The following HECW1 variants were observed in gnomAD, a reference collection of about 807,000 sequenced individuals.
HECW1 encodes HECT, C2 and WW domain containing E3 ubiquitin protein ligase 1.
A neutral mutation model predicts 182.3 loss-of-function variants in HECW1; 61 were observed. The observed-to-expected ratio is 0.33, with a 90% CI of 0.27 to 0.41. The LOEUF is 0.41. Ranked by LOEUF, HECW1 falls within the 10% of genes least tolerant of loss-of-function variation. The probability of loss-of-function intolerance (pLI) is 1.00; values close to 1 mark genes in which losing one functional copy is unlikely to be tolerated. For synonymous variants in HECW1, 859 were observed against 832.6 expected (o/e 1.03, Z -0.55); for missense variants, 1,739 against 2,108.9 (o/e 0.82, Z 3.44).
intron 2 of HECW1, among the ~76,000 whole-genome samples, chr7:43,209,322 A>G (rs1345839339): frequency 6.6e-6 from 1 of 152,078 alleles, no homozygotes; most frequent in Admixed American, 6.5e-5. Context: ...AGAGCTGATG[A>G]TGCCTCGCAG....
chr7:43,561,979 G>A lies in HECW1; in HGVS notation c.*53G>A. ...CTGGCCAGTGACATCACCCTTCCTGGGATGATCCCCTTTTCCCTTTCCCTT... is the reference window on the plus strand; with the variant it reads ...CTGGCCAGTGACATCACCCTTCCTGAGATGATCCCCTTTTCCCTTTCCCTT... On this transcript the variant is annotated 3_prime_UTR_variant, in exon 30 of 30. Transcript: ENST00000395891. 1 of 1,024,428 alleles carries A rather than the reference G, an allele frequency of 9.8e-7. No homozygotes were observed. The highest frequency in any genetic ancestry group is 2.4e-5 in the East Asian group (1 of 41,726). The allele number at this position is 1,024,428 out of a possible 1,614,324, so 63.5% of individuals were successfully genotyped here.
Position 43,353,702 on chromosome 7 carries a change from A to G in HECW1, c.461-7184A>G, listed in dbSNP as rs73326123. ...CCCCAACTCATGATTTATACACTGG[A>G]AAAAGTGAAATGGAGGTAGACAACC... On this transcript the variant is annotated intron_variant, in intron 5 of 29. Transcript: ENST00000395891. Among the ~76,000 whole-genome samples the G allele has an allele frequency of 4.9e-3, 744 of 152,322 alleles. 4 individuals are homozygous for G. The highest frequency in any genetic ancestry group is 0.017 in the African/African-American group (713 of 41,562).
At chr7:43,264,598 C>T (rs1247534970) in intron 3 of HECW1, among the ~76,000 whole-genome samples, 3 of 152,088 alleles carry the variant, frequency 2.0e-5, no homozygotes, top group Non-Finnish European at 2.9e-5. Context: ...GTAATCTCAG[C>T]ACTTTGGGAG....
At chr7:43,308,077 AATATATT>A (rs1265458663) in intron 3 of HECW1, among the ~76,000 whole-genome samples, 4 of 107,826 alleles carry the variant, frequency 3.7e-5, no homozygotes, top group Admixed American at 1.4e-4. Context: ...ATATAAATAT[AATATATT>A]ATATATTATA....
At chr7:43,208,880 C>T (rs552874539) in intron 2 of HECW1, among the ~76,000 whole-genome samples, 13 of 152,192 alleles carry the variant, frequency 8.5e-5, no homozygotes, top group Non-Finnish European at 1.6e-4. Context: ...AGAAGCCACA[C>T]ACTCTTGGAG....
Position 43,296,424 on chromosome 7 carries a change from A to G in HECW1, c.28-15339A>G, listed in dbSNP as rs185507946. ...CTTTTCTTGTTGCCCAGGAAGGTCT[A>G]TGGTGTGTCCTCCTAGTGGTGACAG... On this transcript the variant is annotated intron_variant, in intron 3 of 29. Transcript: ENST00000395891. 1.5e-4 allele frequency among the ~76,000 whole-genome samples: 23 copies of G among 152,198 alleles called. No individual in the cohort carries two copies. The East Asian group carries it at 4.4e-3, about 29-fold the overall frequency.
chr7:43,260,328 T>C (rs1237212710), intron 3 of HECW1, among the ~76,000 whole-genome samples: 1 of 151,718 alleles, frequency 6.6e-6, no homozygotes, highest in Admixed American at 6.6e-5. Context: ...GAAGGGAAGA[T>C]GTTCCTGGTA....
rs2082291238 is a variant in HECW1 at position 43,564,772 on chromosome 7, T to G, written c.*2846T>G. 5.5e-6 allele frequency: 1 copy of G among 180,472 alleles called. No homozygotes were observed. Among genetic ancestry groups the G allele is most frequent in the Non-Finnish European group, 1.2e-5 (1 of 84,442 alleles). The allele number at this position is 180,472 out of a possible 1,614,324, so 11.2% of individuals were successfully genotyped here. ...ATTATATATAATTTTTCATTCAATA[T>G]GTATATGAAATGAAATAGCTATAGA... On this transcript the variant is annotated 3_prime_UTR_variant, in exon 30 of 30. Coordinates refer to ENST00000395891, the MANE Select transcript of HECW1 (RefSeq NM_015052.5).
intron 5 of HECW1, among the ~76,000 whole-genome samples, chr7:43,322,567 C>T (rs1810264936): frequency 6.6e-6 from 1 of 152,206 alleles, no homozygotes; most frequent in African/African-American, 2.4e-5. Flanking sequence ...CTTCTCCATC[C>T]TCCCCAGCAG....
chr7:43,412,499 T>A (rs1324427318), intron 8 of HECW1, among the ~76,000 whole-genome samples: 3 of 151,322 alleles, frequency 2.0e-5, no homozygotes, highest in Non-Finnish European at 2.9e-5. Context: ...CATGTGCACC[T>A]TGTGCAGGTT....
At position 43,193,218 on chromosome 7, in the gene HECW1, T is replaced by C. The variant is rs1036552724; in HGVS notation, c.-31-50657T>C. ...TGAGGACTACTAGAATTTGCATTTG[T>C]AGCCATCTTGGTTTTGGCAGGTTTT... On this transcript the variant is annotated intron_variant, in intron 2 of 29. Transcript: ENST00000395891. 4.6e-5 allele frequency among the ~76,000 whole-genome samples: 7 copies of C among 152,234 alleles called. 1 individual carries two copies. Among genetic ancestry groups the C allele is most frequent in the African/African-American group, 1.7e-4 (7 of 41,462 alleles).
In HECW1 at chr7:43,313,431, G is replaced by T. The variant is rs544534138; in HGVS notation, c.352+1344G>T. Among the ~76,000 whole-genome samples, 11 of 150,460 alleles carry T rather than the reference G, an allele frequency of 7.3e-5. 1 individual carries two copies. In the South Asian group the frequency reaches 2.3e-3, roughly 32 times the overall value. On this transcript the variant is annotated intron_variant, in intron 4 of 29. Transcript: ENST00000395891. Reference sequence around the variant, plus strand: ...CAGCTCACCGCAACCTCTGCCTCCCGGGTTCAAGTGATTCTCCTGCCTCAG... The same window carrying T: ...CAGCTCACCGCAACCTCTGCCTCCCTGGTTCAAGTGATTCTCCTGCCTCAG...
intron 8 of HECW1, among the ~76,000 whole-genome samples, chr7:43,408,168 A>G (rs1325080181): frequency 2.6e-5 from 4 of 152,176 alleles, no homozygotes; most frequent in Admixed American, 2.6e-4. Flanking sequence ...TTCCTGGGAT[A>G]GGTGAATCAG....
At chr7:43,274,421 G>A (rs1802826051) in intron 3 of HECW1, 1 of 636,236 alleles carries the variant, frequency 1.6e-6, no homozygotes, top group Non-Finnish European at 2.9e-6. Flanking sequence ...GACTCCCGGA[G>A]CTGCACCCAC....
intron 6 of HECW1, among the ~76,000 whole-genome samples, chr7:43,367,299 C>T (rs1816777386): frequency 6.6e-6 from 1 of 152,186 alleles, no homozygotes; most frequent in South Asian, 2.1e-4. Flanking sequence ...TGCAGCATAT[C>T]ACCAATACTT....
At chr7:43,259,286 C>G (rs1562747136) in intron 3 of HECW1, among the ~76,000 whole-genome samples, 1 of 151,870 alleles carries the variant, frequency 6.6e-6, no homozygotes, top group Non-Finnish European at 1.5e-5. Flanking sequence ...ACTCAGGAGG[C>G]TGAGGCAGGA....
At chr7:43,371,475 G>C (rs1243260616) in intron 6 of HECW1, among the ~76,000 whole-genome samples, 3 of 152,034 alleles carry the variant, frequency 2.0e-5, no homozygotes, top group African/African-American at 2.4e-5. Context: ...TAAATGAAAG[G>C]CTATTTTTTT....
chr7:43,553,494 C>T lies in HECW1; in HGVS notation c.4511-1098C>T, dbSNP rs113934535. 5.0e-3 allele frequency among the ~76,000 whole-genome samples: 755 copies of T among 152,072 alleles called. 10 individuals are homozygous for T. The highest frequency in any genetic ancestry group is 0.017 in the African/African-American group (716 of 41,474). ...TAAGTTCGAGACCAGCCTGGTGAAA[C>T]CCTGCCTCTAAAAAAAATACAAAAA... On this transcript the variant is annotated intron_variant, in intron 28 of 29. Coordinates refer to ENST00000395891, the MANE Select transcript of HECW1 (RefSeq NM_015052.5).
chr7:43,182,299 G>A (rs1189412360), intron 2 of HECW1, among the ~76,000 whole-genome samples: 1 of 152,146 alleles, frequency 6.6e-6, no homozygotes, highest in African/African-American at 2.4e-5. Context: ...TTATATTTAA[G>A]TCTTTAATCC....
Sources: gnomAD v4.1 joint callset for allele counts (sites outside exome capture counted in the v4.1 genomes callset) on GRCh38, gnomAD v4.1.1 for gene constraint, MANE v1.5 for transcripts, NCBI Gene and HGNC (gene_info 2026-07-23, HGNC 2026-07-21) for gene names.